The following CCDC73 variants were observed in gnomAD, a reference collection of about 807,000 sequenced individuals.
CCDC73 encodes coiled-coil domain containing 73.
In CCDC73, 95 loss-of-function variants were observed where a neutral mutation model predicts 116.5. The observed-to-expected ratio is 0.82, with a 90% CI of 0.69 to 0.97. The LOEUF is 0.97. CCDC73 is among the 50% of genes least tolerant of loss of function. The pLI is 0.00. For missense variants in CCDC73, 1,066 were observed against 1,206.8 expected (o/e 0.88, Z 1.73); for synonymous variants, 398 against 401.3 (o/e 0.99, Z 0.10).
At chr11:32,688,048 T>C (rs1390632023) in intron 6 of CCDC73, among the ~76,000 whole-genome samples, 1 of 152,208 alleles carries the variant, frequency 6.6e-6, no homozygotes, top group Non-Finnish European at 1.5e-5. Context: ...TCTATATTGA[T>C]ATAAATAAAT....
At chr11:32,716,196 A>T (rs1849942695) in intron 3 of CCDC73, among the ~76,000 whole-genome samples, 1 of 152,156 alleles carries the variant, frequency 6.6e-6, no homozygotes, top group Admixed American at 6.5e-5. Context: ...AACATATGAA[A>T]GTTCTTGTTT....
chr11:32,715,085 G>A lies in CCDC73; in HGVS notation c.207+2991C>T, dbSNP rs191683950. On this transcript the variant is annotated intron_variant, in intron 3 of 17. Transcript: ENST00000335185. Reference sequence around the variant, plus strand: ...GATAATCAGAGCTAAAGATTGCAATGCTTTTATTTGCAGGCTTTTGTTCTT... The same window carrying A: ...GATAATCAGAGCTAAAGATTGCAATACTTTTATTTGCAGGCTTTTGTTCTT... 2.0e-3 allele frequency among the ~76,000 whole-genome samples: 311 copies of A among 152,200 alleles called. 2 individuals are homozygous for A. Among genetic ancestry groups the A allele is most frequent in the Non-Finnish European group, 3.7e-3 (249 of 67,974 alleles).
At chr11:32,756,577 A>G (rs1850345983) in intron 2 of CCDC73, among the ~76,000 whole-genome samples, 1 of 150,878 alleles carries the variant, frequency 6.6e-6, no homozygotes, top group South Asian at 2.1e-4. Context: ...GGGAAGATGT[A>G]AAGCCTATTT....
At position 32,648,682 on chromosome 11, in the gene CCDC73, G is replaced by A. The variant is rs1250836117; in HGVS notation, c.939+4441C>T. ...TTCCTCTGCCTCAGGCTCCCGAGTA[G>A]CTGGGATTACAGGCATGTGCCATGA... On this transcript the variant is annotated intron_variant, in intron 12 of 17. Transcript: ENST00000335185. Among the ~76,000 whole-genome samples, 3 of 152,062 alleles carry A rather than the reference G, an allele frequency of 2.0e-5. No homozygotes were observed. The East Asian group carries it at 5.8e-4, about 29-fold the overall frequency.
chr11:32,796,097 A>C (rs10835975), upstream of CCDC73, among the ~76,000 whole-genome samples: 15,951 of 151,858 alleles, frequency 0.11, 1,055 homozygotes, highest in Non-Finnish European at 0.15. Context: ...TTTTTAGGGA[A>C]AGCATTCCTA....
intron 1 of CCDC73, among the ~76,000 whole-genome samples, chr11:32,767,630 A>G (rs1483335364): frequency 6.6e-6 from 1 of 152,210 alleles, no homozygotes; most frequent in Non-Finnish European, 1.5e-5. Context: ...TACAAGAAAA[A>G]AACAAACAAC....
At chr11:32,699,769 T>C (rs540242095) in intron 5 of CCDC73, among the ~76,000 whole-genome samples, 1 of 152,014 alleles carries the variant, frequency 6.6e-6, no homozygotes, top group South Asian at 2.1e-4. Flanking sequence ...TTAGGAGATA[T>C]ACCTAATGTT....
the CCDC73 span, among the ~76,000 whole-genome samples, chr11:32,810,949 G>A: frequency 6.6e-6 from 1 of 151,980 alleles, no homozygotes; most frequent in Non-Finnish European, 1.5e-5. Flanking sequence ...TGGCCATCAT[G>A]GTGAAACCCC....
At chr11:32,788,947 T>G (rs1180799292) in intron 1 of CCDC73, among the ~76,000 whole-genome samples, 2 of 152,208 alleles carry the variant, frequency 1.3e-5, no homozygotes, top group Non-Finnish European at 2.9e-5. Context: ...CTCATTCACT[T>G]TATCTCTAAA....
chr11:32,692,203 A>T (rs1856266653), intron 6 of CCDC73, among the ~76,000 whole-genome samples: 1 of 151,736 alleles, frequency 6.6e-6, no homozygotes. Context: ...GTCTAGATTC[A>T]TTTTTTTCAT....
chr11:32,788,990 T>C (rs1398573814), intron 1 of CCDC73, among the ~76,000 whole-genome samples: 1 of 152,086 alleles, frequency 6.6e-6, no homozygotes, highest in Non-Finnish European at 1.5e-5. Flanking sequence ...AATTTTTATA[T>C]TGTTAACTTT....
intron 13 of CCDC73, among the ~76,000 whole-genome samples, chr11:32,639,102 C>T (rs1262483387): frequency 6.6e-6 from 1 of 151,318 alleles, no homozygotes; most frequent in Non-Finnish European, 1.5e-5. Flanking sequence ...GAGCCGAGAT[C>T]GCACCACTGT....
upstream of CCDC73, among the ~76,000 whole-genome samples, chr11:32,798,923 G>GGC (rs1054413252): frequency 1.3e-5 from 2 of 149,736 alleles, no homozygotes; most frequent in African/African-American, 4.9e-5. Flanking sequence ...TTTGGGGGGG[G>GGC]GCGTTGAGAC....
intron 9 of CCDC73, among the ~76,000 whole-genome samples, chr11:32,664,897 G>T (rs948928238): frequency 1.3e-5 from 2 of 152,176 alleles, no homozygotes; most frequent in Non-Finnish European, 2.9e-5. Flanking sequence ...CTTCATGTCT[G>T]CCTTCATTTC....
Position 32,776,625 on chromosome 11 carries a change from T to C in CCDC73, c.-15-16367A>G, listed in dbSNP as rs145553445. On this transcript the variant is annotated intron_variant, in intron 1 of 17. Transcript: ENST00000335185. ...TCCAGGAACCCTTCCCTGGCTATTC[T>C]AAACCACAATAACCCTTCCATTTTC... is the stretch of plus-strand genomic sequence containing the variant. Among the ~76,000 whole-genome samples, 1,515 of 152,238 alleles carry C rather than the reference T, an allele frequency of 1.0e-2. 28 individuals are homozygous for C. Among genetic ancestry groups the C allele is most frequent in the African/African-American group, 0.035 (1,434 of 41,552 alleles).
intron 14 of CCDC73, among the ~76,000 whole-genome samples, chr11:32,628,545 G>T (rs1015508206): frequency 6.6e-6 from 1 of 152,182 alleles, no homozygotes; most frequent in Admixed American, 6.5e-5. Flanking sequence ...CAACAAGCCA[G>T]AGAGGAATGA....
At chr11:32,659,398 G>C (rs1472867547) in intron 9 of CCDC73, among the ~76,000 whole-genome samples, 3 of 152,152 alleles carry the variant, frequency 2.0e-5, no homozygotes, top group Non-Finnish European at 4.4e-5. Flanking sequence ...CACATGAAGT[G>C]AATGGCTGAC....
intron 1 of CCDC73, among the ~76,000 whole-genome samples, chr11:32,778,683 G>A (rs1368196974): frequency 2.0e-5 from 3 of 151,912 alleles, no homozygotes; most frequent in Admixed American, 2.0e-4. Context: ...ATGGTGGCAG[G>A]CGCCTGTAAT....
At chr11:32,830,398 C>T in the CCDC73 span, 1 of 989,632 alleles carries the variant, frequency 1.0e-6, no homozygotes, top group South Asian at 3.0e-5. Flanking sequence ...GCGCCGGGCG[C>T]TCTTGCGCCT....
Sources: allele counts gnomAD v4.1 joint callset (sites outside exome capture counted in the v4.1 genomes callset), GRCh38; gene constraint gnomAD v4.1.1; transcripts MANE v1.5; gene names NCBI Gene and HGNC (gene_info 2026-07-23, HGNC 2026-07-21).